Variants in IL36B observed in about 807,000 individuals in gnomAD.
The protein encoded by IL36B is interleukin 36 beta, also known as interleukin-36 beta.
IL36B carries 23 observed loss-of-function variants against 19.3 expected under a neutral mutation model. That is an observed-to-expected ratio of 1.19 (90% CI 0.86 to 1.69). The LOEUF (loss-of-function observed/expected upper bound fraction) is 1.69, where lower values mean the gene tolerates loss of function less well. Ranked by LOEUF, IL36B falls within the 40% of genes most tolerant of loss-of-function variation. The pLI is 0.00. For missense variants in IL36B, 217 were observed against 200.5 expected (o/e 1.08, Z -0.50); for synonymous variants, 59 against 59.7 (o/e 0.99, Z 0.05).
chr2:113,024,082 G>A (rs776243514), intron 5 of IL36B, among the ~76,000 whole-genome samples: 11 of 152,170 alleles, frequency 7.2e-5, no homozygotes, highest in African/African-American at 1.2e-4. Flanking sequence ...TGAAATGGAC[G>A]TGCATTCATT....
intron 1 of IL36B, among the ~76,000 whole-genome samples, chr2:113,033,701 T>G (rs1255512395): frequency 6.6e-6 from 1 of 152,200 alleles, no homozygotes; most frequent in East Asian, 1.9e-4. Context: ...ATGCCTCCCC[T>G]GGGTCATAGT....
At chr2:113,035,976 T>C (rs956180452) in intron 1 of IL36B, among the ~76,000 whole-genome samples, 1 of 152,200 alleles carries the variant, frequency 6.6e-6, no homozygotes, top group Non-Finnish European at 1.5e-5. Context: ...TTTCTTTTGC[T>C]CTGTCGCCCA....
chr2:113,028,219 A>G (rs1685001385), intron 4 of IL36B, 104 bp from the exon 5 acceptor site: 18 of 895,106 alleles, frequency 2.0e-5, no homozygotes, highest in Admixed American at 2.0e-5. Context: ...CCCCCAAAGG[A>G]AGGGACAGAG....
chr2:113,027,484 C>A (rs1262755500), intron 4 of IL36B: 1 of 1,023,042 alleles, frequency 9.8e-7, no homozygotes, highest in Admixed American at 5.1e-5. Flanking sequence ...TCTCATTCTT[C>A]AGCTTTATCT....
In IL36B at chr2:113,026,152, C is replaced by T. The variant is rs145876354; in HGVS notation, c.342G>A (p.Val114=). 952 of 1,613,966 alleles carry T rather than the reference C, an allele frequency of 5.9e-4. 5 individuals are homozygous for T. The East Asian group carries it at 0.015, about 26-fold the overall frequency. The change falls in exon 5 of 6, where the codon GTG becomes GTA. Residue 114 remains valine, a synonymous_variant. Transcript: ENST00000259213. ...GGGTTCCCATGAAGCAGCTCTCTCT[C>T]ACATCCAGGTTTATGCATGTGTGAA...
At chr2:113,029,126 T>G (rs762391552) in intron 3 of IL36B, 48 bp from the exon 4 acceptor site, 1 of 1,580,834 alleles carries the variant, frequency 6.3e-7, no homozygotes, top group South Asian at 1.2e-5. Context: ...CTTTCTGGTC[T>G]GACACTCAGT....
chr2:113,041,489 C>T (rs763751752), intron 1 of IL36B, among the ~76,000 whole-genome samples: 5 of 152,096 alleles, frequency 3.3e-5, no homozygotes, highest in Non-Finnish European at 5.9e-5. Context: ...AAAACCTTAG[C>T]GCTTTTAGAG....
At chr2:113,050,675 A>C (rs1685426909) in intron 1 of IL36B, among the ~76,000 whole-genome samples, 1 of 152,252 alleles carries the variant, frequency 6.6e-6, no homozygotes, top group African/African-American at 2.4e-5. Context: ...GCAAATGTGC[A>C]GACATCTATC....
chr2:113,049,546 A>G (rs1470241710), intron 1 of IL36B, among the ~76,000 whole-genome samples: 1 of 152,238 alleles, frequency 6.6e-6, no homozygotes, highest in Non-Finnish European at 1.5e-5. Flanking sequence ...GGTGCTCAAC[A>G]TCCCTAATAA....
intron 4 of IL36B, among the ~76,000 whole-genome samples, chr2:113,026,872 T>A (rs1192494562): frequency 6.6e-6 from 1 of 152,248 alleles, no homozygotes; most frequent in East Asian, 1.9e-4. Context: ...TGGATTGGTT[T>A]ACATTCACCA....
At chr2:113,023,033 G>A (rs1297871226) in intron 5 of IL36B, among the ~76,000 whole-genome samples, 1 of 152,192 alleles carries the variant, frequency 6.6e-6, no homozygotes, top group African/African-American at 2.4e-5. Flanking sequence ...AGAAGACTAA[G>A]AGGCACCCCT....
chr2:113,027,282 G>T (rs567134152), intron 4 of IL36B, among the ~76,000 whole-genome samples, 151 bp downstream of exon 5: 1 of 152,082 alleles, frequency 6.6e-6, no homozygotes, highest in Non-Finnish European at 1.5e-5. Context: ...AGGAGTTAGA[G>T]GGGGAGGCAG....
At chr2:113,043,565 G>A (rs1414246315) in intron 1 of IL36B, among the ~76,000 whole-genome samples, 1 of 152,050 alleles carries the variant, frequency 6.6e-6, no homozygotes, top group Non-Finnish European at 1.5e-5. Flanking sequence ...GATTGTATTT[G>A]TTGTTGTTGT....
intron 1 of IL36B, among the ~76,000 whole-genome samples, chr2:113,036,802 T>C (rs985292244): frequency 6.6e-6 from 1 of 152,212 alleles, no homozygotes; most frequent in Non-Finnish European, 1.5e-5. Context: ...GGTAGGTGGA[T>C]GATGTCGGAG....
intron 3 of IL36B, 42 bp from the exon 4 acceptor site, chr2:113,029,120 C>G (rs1235924543): frequency 6.3e-7 from 1 of 1,594,072 alleles, no homozygotes; most frequent in Admixed American, 1.7e-5. Flanking sequence ...TTCAGTCTTT[C>G]TGGTCTGACA....
At chr2:113,039,269 G>T (rs1685206475) in intron 1 of IL36B, among the ~76,000 whole-genome samples, 1 of 152,110 alleles carries the variant, frequency 6.6e-6, no homozygotes, top group Non-Finnish European at 1.5e-5. Context: ...AAGACAAAAA[G>T]ATCCCCAGGG....
In IL36B at chr2:113,031,061, G is replaced by A. The variant is rs1558832423; in HGVS notation, c.108C>T (p.Arg36=). Residue 36 remains arginine, a synonymous_variant, in exon 3 of 6, where the codon CGC becomes CGT. Transcript: ENST00000259213. The stretch of plus-strand genomic sequence containing the variant: ...ATTGTCACTCACCAGGCTTAATGCT[G>A]CGGCTAAGAGGAGCTGCTATTAAAG... 6.2e-7 allele frequency: 1 copy of A among 1,610,842 alleles called. No individual in the cohort carries two copies. The highest frequency in any genetic ancestry group is 8.5e-7 in the Non-Finnish European group (1 of 1,177,048).
At chr2:113,040,867 C>G (rs1352183766) in intron 1 of IL36B, among the ~76,000 whole-genome samples, 2 of 151,880 alleles carry the variant, frequency 1.3e-5, no homozygotes, top group African/African-American at 4.8e-5. Context: ...GTTGAAATTG[C>G]CAAGCTGGCC....
chr2:113,031,305 G>A (rs528038610), intron 2 of IL36B, 150 bp from the exon 3 acceptor site: 19 of 650,972 alleles, frequency 2.9e-5, no homozygotes, highest in Middle Eastern at 4.9e-4. Context: ...AGGGGAAATA[G>A]GGCAGGGACT....
Sources: gnomAD v4.1 joint callset for allele counts (sites outside exome capture counted in the v4.1 genomes callset) on GRCh38, gnomAD v4.1.1 for gene constraint, MANE v1.5 for transcripts, NCBI Gene and HGNC (gene_info 2026-07-23, HGNC 2026-07-21) for gene names.